BCR: variants seen among roughly 807,000 people sequenced by gnomAD.
BCR encodes the protein breakpoint cluster region protein.
A neutral mutation model predicts 138.6 loss-of-function variants in BCR; 58 were observed. The observed-to-expected ratio is 0.42, with a 90% CI of 0.34 to 0.52. The LOEUF is 0.52. Ranked by LOEUF, BCR falls within the 20% of genes least tolerant of loss-of-function variation. BCR has a pLI of 0.06. For missense variants in BCR, 1,599 were observed against 1,727.2 expected (o/e 0.93, Z 1.32); for synonymous variants, 786 against 730.1 (o/e 1.08, Z -1.23).
In BCR at chr22:23,211,131, G is replaced by A. The variant is rs753454735; in HGVS notation, c.1279+28892G>A. ...GCCTCTGTGGATTTGTCTTTTCTGG[G>A]CTTTTCATAAATGGGATCACATGGT... On this transcript the variant is annotated intron_variant, in intron 1 of 22. Transcript: ENST00000305877. 2.0e-5 allele frequency among the ~76,000 whole-genome samples: 3 copies of A among 152,158 alleles called. No individual in the cohort carries two copies. The East Asian group carries it at 5.8e-4, about 29-fold the overall frequency.
chr22:23,186,350 A>T (rs1237920411), intron 1 of BCR, among the ~76,000 whole-genome samples: 1 of 152,234 alleles, frequency 6.6e-6, no homozygotes, highest in Non-Finnish European at 1.5e-5. Flanking sequence ...ACATAACAAA[A>T]GTTACTGTCT....
At chr22:23,192,861 C>A (rs1226860543) in intron 1 of BCR, among the ~76,000 whole-genome samples, 1 of 152,158 alleles carries the variant, frequency 6.6e-6, no homozygotes, top group African/African-American at 2.4e-5. Flanking sequence ...CAGAGGTAGC[C>A]GGCTGTGTGT....
At chr22:23,193,902 C>T (rs1031625776) in intron 1 of BCR, among the ~76,000 whole-genome samples, 2 of 152,196 alleles carry the variant, frequency 1.3e-5, no homozygotes, top group Non-Finnish European at 2.9e-5. Context: ...TAGATAGGAT[C>T]ATCTTTGTCC....
chr22:23,272,383 T>C (rs1012445803), intron 6 of BCR, among the ~76,000 whole-genome samples: 2 of 152,224 alleles, frequency 1.3e-5, no homozygotes, highest in African/African-American at 4.8e-5. Context: ...GAGTGCCTTA[T>C]GCTGGTTGTG....
chr22:23,253,789 GCA>G lies in BCR; in HGVS notation c.1280-3_1280-2del. ...TGTCTCTAACACAGGATGCTTCTTT[GCA>G]CACACAGATGGCTCGTTCGGAACAC... On this transcript the variant is annotated splice_polypyrimidine_tract_variant and splice_region_variant and intron_variant, in intron 1 of 22. Transcript: ENST00000305877. The G allele has an allele frequency of 6.2e-7, 1 of 1,606,578 alleles. No homozygotes were observed. The highest frequency in any genetic ancestry group is 2.2e-5 in the East Asian group (1 of 44,700).
intron 15 of BCR, among the ~76,000 whole-genome samples, chr22:23,293,001 C>T (rs2073805929): frequency 6.6e-6 from 1 of 151,952 alleles, no homozygotes; most frequent in South Asian, 2.1e-4. Flanking sequence ...TCTTGGCTTC[C>T]GGAAGCCTGG....
intron 8 of BCR, among the ~76,000 whole-genome samples, chr22:23,277,072 G>A (rs55721909): frequency 0.036 from 5,444 of 152,330 alleles, 149 homozygotes; most frequent in African/African-American, 0.063. Flanking sequence ...CCAGGAAAGG[G>A]GGGCAGAAGC....
At chr22:23,263,519 C>A in intron 4 of BCR, 1 of 1,576,554 alleles carries the variant, frequency 6.3e-7, no homozygotes, top group Middle Eastern at 1.7e-4. Context: ...TGTACATATC[C>A]CAGGCTAATT....
At position 23,315,725 on chromosome 22, in the gene BCR, C is replaced by T. The variant is rs1370215944; in HGVS notation, c.*203C>T. 1.5e-6 allele frequency: 1 copy of T among 662,586 alleles called. No homozygotes were observed. The highest frequency in any genetic ancestry group is 2.8e-6 in the Non-Finnish European group (1 of 362,676). 41.0% of individuals were successfully genotyped at this position (662,586 alleles called of 1,614,324 possible). A position where few individuals can be genotyped will look rare whatever the true frequency, so the allele number is the denominator to read the frequency against. Reference sequence around the variant, plus strand: ...AGGTCTGGGAGCCCCAGGCTGGCCTCAGACTGTGGTTTTTTATGTGGCCAC... The same window carrying T: ...AGGTCTGGGAGCCCCAGGCTGGCCTTAGACTGTGGTTTTTTATGTGGCCAC... On this transcript the variant is annotated 3_prime_UTR_variant, in exon 23 of 23. Transcript: ENST00000305877.
intron 4 of BCR, chr22:23,262,869 G>A (rs1015460060): frequency 7.6e-6 from 8 of 1,054,950 alleles, no homozygotes; most frequent in East Asian, 7.4e-5. Context: ...CGCAGACGGC[G>A]AAGGAGGCAG....
chr22:23,221,831 C>T (rs531705653), intron 1 of BCR, among the ~76,000 whole-genome samples: 6 of 152,302 alleles, frequency 3.9e-5, no homozygotes, highest in African/African-American at 1.4e-4. Context: ...GTGGCTCACA[C>T]CTGTAATCCC....
intron 1 of BCR, among the ~76,000 whole-genome samples, chr22:23,194,097 G>A (rs1003781132): frequency 6.6e-6 from 1 of 152,216 alleles, no homozygotes; most frequent in Non-Finnish European, 1.5e-5. Context: ...CTAGTTAAGT[G>A]GAAGCTCAGC....
At chr22:23,313,158 A>G (rs1287408731) in intron 20 of BCR, 137 bp downstream of exon 20, 1 of 1,123,342 alleles carries the variant, frequency 8.9e-7, no homozygotes, top group Non-Finnish European at 1.3e-6. Context: ...CCCAACCTCA[A>G]AAAGCAGGGG....
intron 4 of BCR, chr22:23,264,326 C>A (rs2073411587): frequency 2.0e-6 from 2 of 988,962 alleles, no homozygotes; most frequent in Non-Finnish European, 1.6e-6. Flanking sequence ...CGCTGTCTTA[C>A]AACCTCCACG....
chr22:23,200,589 A>G (rs1010431735), intron 1 of BCR, among the ~76,000 whole-genome samples: 3 of 151,328 alleles, frequency 2.0e-5, no homozygotes, highest in Non-Finnish European at 2.9e-5. Context: ...ACAAGGTCTC[A>G]CTCTGTCGCC....
chr22:23,212,719 C>T (rs1224011518), intron 1 of BCR, among the ~76,000 whole-genome samples: 2 of 152,206 alleles, frequency 1.3e-5, no homozygotes, highest in Non-Finnish European at 2.9e-5. Flanking sequence ...ACACAGCTTC[C>T]ATGGGCTGCT....
chr22:23,265,803 T>C (rs60396883), intron 4 of BCR, among the ~76,000 whole-genome samples: 1 of 152,188 alleles, frequency 6.6e-6, no homozygotes, highest in Non-Finnish European at 1.5e-5. Flanking sequence ...CAAGAAGTTT[T>C]CCCCCTGAAT....
At chr22:23,187,499 C>CTCTCTT (rs763149441) in intron 1 of BCR, among the ~76,000 whole-genome samples, 46 of 140,702 alleles carry the variant, frequency 3.3e-4, no homozygotes, top group African/African-American at 1.2e-3. Context: ...CTCTCTCTCT[C>CTCTCTT]TTTTTTTTTT....
intron 1 of BCR, among the ~76,000 whole-genome samples, chr22:23,182,922 C>T (rs188936171): frequency 6.6e-6 from 1 of 152,150 alleles, no homozygotes; most frequent in Non-Finnish European, 1.5e-5. Flanking sequence ...GAGCCACACC[C>T]GTTCTGATCT....
Sources: gnomAD v4.1 joint callset for allele counts (sites outside exome capture counted in the v4.1 genomes callset) on GRCh38, gnomAD v4.1.1 for gene constraint, MANE v1.5 for transcripts, NCBI Gene and HGNC (gene_info 2026-07-23, HGNC 2026-07-21) for gene names.